Variants in MAD1L1 observed in about 807,000 individuals in gnomAD.
MAD1L1 encodes the protein mitotic spindle assembly checkpoint protein MAD1.
Under a neutral mutation model 96.9 loss-of-function variants are expected in MAD1L1, and 95 were observed. That is an observed-to-expected ratio of 0.98 (90% CI 0.83 to 1.16). The LOEUF is 1.16. Ranked by LOEUF, MAD1L1 falls within the 50% of genes most tolerant of loss-of-function variation. The pLI, the probability that MAD1L1 is intolerant of heterozygous loss-of-function variation, is 0.00. For synonymous variants in MAD1L1, 473 were observed against 396.6 expected, an observed-to-expected ratio of 1.19 and a Z score of -2.29; for missense variants, 1,007 against 954.4, an observed-to-expected ratio of 1.06 and a Z score of -0.73.
chr7:1,875,899 C>G (rs1224659600), intron 18 of MAD1L1, among the ~76,000 whole-genome samples: 1 of 152,202 alleles, frequency 6.6e-6, no homozygotes, highest in East Asian at 1.9e-4. Context: ...CCTGATCCAG[C>G]AGGGGCACCA....
intron 11 of MAD1L1, among the ~76,000 whole-genome samples, chr7:2,081,317 T>C (rs1233406028): frequency 2.0e-5 from 3 of 152,038 alleles, no homozygotes; most frequent in South Asian, 4.1e-4. Flanking sequence ...GGATCATAGG[T>C]TCTAGCGAAA....
Position 2,015,165 on chromosome 7 carries a change from G to A in MAD1L1, c.1219-523C>T, listed in dbSNP as rs555135028. 2.0e-5 allele frequency among the ~76,000 whole-genome samples: 3 copies of A among 152,344 alleles called. No homozygotes were observed. The East Asian group carries it at 5.8e-4, about 29-fold the overall frequency. ...ACCTCTGCCCGGACCTGTCGAGGGA[G>A]GGGACAGTGTGCACCAGGAAGCTGC... On this transcript the variant is annotated intron_variant, in intron 12 of 18. Coordinates refer to ENST00000265854, the MANE Select transcript of MAD1L1 (RefSeq NM_001013836.2).
At chr7:1,833,381 T>C (rs1335747863) in intron 18 of MAD1L1, among the ~76,000 whole-genome samples, 3 of 152,230 alleles carry the variant, frequency 2.0e-5, no homozygotes, top group Non-Finnish European at 4.4e-5. Flanking sequence ...CGTCCATTTA[T>C]ATATGAAACA....
chr7:2,207,251 G>A (rs1792646971), intron 10 of MAD1L1, among the ~76,000 whole-genome samples: 1 of 152,090 alleles, frequency 6.6e-6, no homozygotes, highest in South Asian at 2.1e-4. Flanking sequence ...TATATATTTG[G>A]TCTTTCTGTT....
At chr7:2,224,555 G>A (rs1020319340) in intron 4 of MAD1L1, among the ~76,000 whole-genome samples, 3 of 152,170 alleles carry the variant, frequency 2.0e-5, no homozygotes, top group African/African-American at 4.8e-5. Flanking sequence ...CCCGGAAGAC[G>A]TGAGCTATTT....
At position 2,219,431 on chromosome 7, in the gene MAD1L1, A is replaced by G. The variant is rs562667779; in HGVS notation, c.497T>C (p.Ile166Thr). 10 of 1,613,326 alleles carry G rather than the reference A, an allele frequency of 6.2e-6. No homozygotes were observed. The highest frequency in any genetic ancestry group is 8.5e-6 in the Non-Finnish European group (10 of 1,179,848). ...CATCACGCTCCACTGCAGTTCCGAG[A>G]TCCTCCCCTTCAGTGCGTTGATGGT... ...GETINALKGR[I>T]SELQWSVMDQ... Residue 166 changes from isoleucine (I) to threonine (T), a missense_variant, in exon 6 of 19, where the codon ATC (isoleucine) becomes ACC (threonine). Transcript: ENST00000265854.
chr7:2,128,733 T>C (rs1477044276), intron 11 of MAD1L1, among the ~76,000 whole-genome samples: 1 of 152,150 alleles, frequency 6.6e-6, no homozygotes, highest in Admixed American at 6.5e-5. Context: ...CCCTCTGCCC[T>C]TCTCACCCTG....
At chr7:1,945,516 G>A (rs1307758769) in intron 16 of MAD1L1, among the ~76,000 whole-genome samples, 1 of 152,192 alleles carries the variant, frequency 6.6e-6, no homozygotes, top group African/African-American at 2.4e-5. Context: ...CTCACTTCCT[G>A]GGTCACAGCC....
At chr7:1,996,487 C>A (rs1336275853) in intron 14 of MAD1L1, among the ~76,000 whole-genome samples, 1 of 152,250 alleles carries the variant, frequency 6.6e-6, no homozygotes, top group Non-Finnish European at 1.5e-5. Flanking sequence ...GAGCCTAGAG[C>A]TTCTTCATGG....
At chr7:2,128,366 A>T (rs1272039151) in intron 11 of MAD1L1, among the ~76,000 whole-genome samples, 1 of 151,966 alleles carries the variant, frequency 6.6e-6, no homozygotes, top group Non-Finnish European at 1.5e-5. Context: ...CCAGAAAGAG[A>T]GGGCGGAGGA....
intron 6 of MAD1L1, among the ~76,000 whole-genome samples, chr7:2,218,521 C>T (rs768341988): frequency 3.3e-5 from 5 of 152,232 alleles, no homozygotes; most frequent in South Asian, 2.1e-4. Context: ...CCAGACAAGG[C>T]TCTCACGTCT....
intron 11 of MAD1L1, among the ~76,000 whole-genome samples, chr7:2,140,999 T>C (rs1788999799): frequency 6.6e-6 from 1 of 152,194 alleles, no homozygotes; most frequent in South Asian, 2.1e-4. Flanking sequence ...AGTCTGGGTG[T>C]GAAATATTAA....
At chr7:1,958,357 A>C (rs1419169241) in intron 15 of MAD1L1, among the ~76,000 whole-genome samples, 1 of 152,200 alleles carries the variant, frequency 6.6e-6, no homozygotes, top group Non-Finnish European at 1.5e-5. Flanking sequence ...TTTTGTCTTC[A>C]TTTCTAGATC....
intron 15 of MAD1L1, among the ~76,000 whole-genome samples, chr7:1,964,951 C>A (rs903973564): frequency 6.6e-6 from 1 of 152,230 alleles, no homozygotes; most frequent in East Asian, 1.9e-4. Context: ...GTCCAGGAAG[C>A]CCCTCACCCA....
intron 7 of MAD1L1, among the ~76,000 whole-genome samples, chr7:2,217,004 C>T (rs1036698232): frequency 3.3e-5 from 5 of 152,134 alleles, no homozygotes; most frequent in African/African-American, 7.2e-5. Flanking sequence ...TGCACACTGC[C>T]GGGCTGCTGT....
chr7:2,118,444 C>T (rs1787820549), intron 11 of MAD1L1, among the ~76,000 whole-genome samples: 1 of 152,266 alleles, frequency 6.6e-6, no homozygotes, highest in African/African-American at 2.4e-5. Context: ...TGTGTCAGAG[C>T]CACGGGAGCT....
At chr7:2,018,767 G>A (rs1054131158) in intron 12 of MAD1L1, among the ~76,000 whole-genome samples, 5 of 151,876 alleles carry the variant, frequency 3.3e-5, no homozygotes, top group Admixed American at 6.6e-5. Context: ...CCCAGCCTCC[G>A]CCACCCACTC....
rs375660018 is a variant in MAD1L1, at chr7:2,139,997, C to CCCCG, written c.1073+9154_1073+9155insCGGG. ...GGTCTACTATCTGGACCCCGCCCCC[C>CCCCG]CCCAGTCCCTGCCCTGCTCCACTGC... On this transcript the variant is annotated intron_variant, in intron 11 of 18. Coordinates refer to ENST00000265854, the MANE Select transcript of MAD1L1 (RefSeq NM_001013836.2). Among the ~76,000 whole-genome samples the CCCCG allele has an allele frequency of 2.7e-3, 401 of 148,538 alleles. 1 individual carries two copies. Among genetic ancestry groups the CCCCG allele is most frequent in the South Asian group, 9.0e-3 (41 of 4,578 alleles).
rs188866193 is a variant in MAD1L1 at position 1,968,930 on chromosome 7, G to C, written c.1506-11211C>G. 2.3e-4 allele frequency among the ~76,000 whole-genome samples: 35 copies of C among 152,330 alleles called. No individual in the cohort carries two copies. Among genetic ancestry groups the C allele is most frequent in the African/African-American group, 5.1e-4 (21 of 41,576 alleles). On this transcript the variant is annotated intron_variant, in intron 15 of 18. Transcript: ENST00000265854. The surrounding 1 kb of genome is among the most constrained non-coding windows in gnomAD (Gnocchi z 5.6). ...GCCTGGTGGATCCAAACAAGGGCTG[G>C]AGACAGGCCCAGAGTCACACGCCGG...
Sources: allele counts gnomAD v4.1 joint callset (sites outside exome capture counted in the v4.1 genomes callset), GRCh38; gene constraint gnomAD v4.1.1; non-coding constraint Gnocchi (gnomAD v3.1); transcripts MANE v1.5; gene names NCBI Gene and HGNC (gene_info 2026-07-23, HGNC 2026-07-21).